SLC22A9: variants seen among roughly 807,000 people sequenced by gnomAD.
The protein encoded by SLC22A9 is organic anion transporter 7.
Under a neutral mutation model 50.1 loss-of-function variants are expected in SLC22A9, and 64 were observed. The observed-to-expected ratio is 1.28, with a 90% CI of 1.04 to 1.57. The LOEUF is 1.57. Ranked by LOEUF, SLC22A9 falls within the 40% of genes most tolerant of loss-of-function variation. The pLI is 0.00. For synonymous variants in SLC22A9, 261 were observed against 242.5 expected (o/e 1.08, Z -0.71); for missense variants, 757 against 676.1 (o/e 1.12, Z -1.33).
chr11:63,407,806 C>T (rs34340433), intron 7 of SLC22A9, among the ~76,000 whole-genome samples: 35 of 152,180 alleles, frequency 2.3e-4, no homozygotes, highest in East Asian at 1.4e-3. Context: ...AGTCCCTGGA[C>T]GGAATAAATG....
chr11:63,394,139 C>G (rs1238327920), intron 6 of SLC22A9, among the ~76,000 whole-genome samples: 1 of 152,108 alleles, frequency 6.6e-6, no homozygotes, highest in African/African-American at 2.4e-5. Context: ...TTTTTCAGCT[C>G]CATCAGGTCA....
Position 63,375,784 on chromosome 11 carries a change from G to A in SLC22A9, c.954+16G>A. The A allele has an allele frequency of 6.2e-7, 1 of 1,609,824 alleles. No homozygotes were observed. The highest frequency in any genetic ancestry group is 8.5e-7 in the Non-Finnish European group (1 of 1,177,380). ...AACCCTGGAGGTGAGCTGGATGGGA[G>A]CTAGATATGGGATGTAGGGAAGACA... On this transcript the variant is annotated intron_variant, in intron 5 of 9. Coordinates refer to ENST00000279178, the MANE Select transcript of SLC22A9 (RefSeq NM_080866.3).
chr11:63,370,193 G>T lies in SLC22A9; in HGVS notation c.137G>T (p.Gly46Val), dbSNP rs1280339533. 6.2e-7 allele frequency: 1 copy of T among 1,613,732 alleles called. No homozygotes were observed. The highest frequency in any genetic ancestry group is 1.7e-5 in the Admixed American group (1 of 59,976). Reference sequence around the variant, plus strand: ...GAGAACTTCACTGCATTCATACCTGGCCATCGCTGCTGGGTCCACATCCTG... The same window carrying T: ...GAGAACTTCACTGCATTCATACCTGTCCATCGCTGCTGGGTCCACATCCTG... ...MLENFTAFIPGHRCWVHILDN... is the reference protein window; with the variant it reads ...MLENFTAFIPVHRCWVHILDN... Residue 46 changes from glycine (G) to valine (V), a missense_variant, in exon 1 of 10, where the codon GGC (glycine) becomes GTC (valine). Coordinates refer to ENST00000279178, the MANE Select transcript of SLC22A9 (RefSeq NM_080866.3).
rs2015106682 is a variant in SLC22A9 at position 63,409,794 on chromosome 11, T to A, written c.1602-8T>A. ...GATTTTTTGTTGGTTTCTTTGTATT[T>A]GTTCTAGGAGAAAAGACCCCAGAGA... On this transcript the variant is annotated splice_region_variant and splice_polypyrimidine_tract_variant and intron_variant, in intron 9 of 9. Coordinates refer to ENST00000279178, the MANE Select transcript of SLC22A9 (RefSeq NM_080866.3). 6.2e-7 allele frequency: 1 copy of A among 1,613,438 alleles called. No homozygotes were observed. Among genetic ancestry groups the A allele is most frequent in the East Asian group, 2.2e-5 (1 of 44,780 alleles).
At chr11:63,372,900 T>C (rs1222934713) in intron 2 of SLC22A9, among the ~76,000 whole-genome samples, 1 of 152,132 alleles carries the variant, frequency 6.6e-6, no homozygotes, top group African/African-American at 2.4e-5. Flanking sequence ...ATTTCCCAAC[T>C]TGATCATATC....
intron 6 of SLC22A9, among the ~76,000 whole-genome samples, chr11:63,397,271 AG>A (rs1422515939): frequency 6.6e-6 from 1 of 152,060 alleles, no homozygotes; most frequent in Non-Finnish European, 1.5e-5. Context: ...GAGCTGGGGG[AG>A]GGGTAACACA....
intron 6 of SLC22A9, among the ~76,000 whole-genome samples, chr11:63,393,618 A>AGAGT (rs2014802318): frequency 1.3e-5 from 2 of 152,108 alleles, no homozygotes; most frequent in Non-Finnish European, 2.9e-5. Flanking sequence ...AGTTTTGCTG[A>AGAGT]GAGTTTTAAT....
In SLC22A9 at chr11:63,373,880, G is replaced by GT. The variant is rs748951639; in HGVS notation, c.662-8dup. On this transcript the variant is annotated splice_polypyrimidine_tract_variant and intron_variant, in intron 3 of 9. Coordinates refer to ENST00000279178, the MANE Select transcript of SLC22A9 (RefSeq NM_080866.3). Reference sequence around the variant, plus strand: ...CACCTTTGAAGTCAAAGCCTTATCTGTTTTTTCTTCCAGTAGCCGAGTGGG... The same window carrying GT: ...CACCTTTGAAGTCAAAGCCTTATCTGTTTTTTTCTTCCAGTAGCCGAGTGGG... 2 of 1,611,622 alleles carry GT rather than the reference G, an allele frequency of 1.2e-6. No homozygotes were observed. The highest frequency in any genetic ancestry group is 2.2e-5 in the South Asian group (2 of 90,668).
chr11:63,405,267 C>T (rs1440850904), intron 6 of SLC22A9, among the ~76,000 whole-genome samples: 4 of 152,148 alleles, frequency 2.6e-5, no homozygotes, highest in Non-Finnish European at 5.9e-5. Context: ...GGAACCCAGT[C>T]AGCTAAACAG....
intron 6 of SLC22A9, among the ~76,000 whole-genome samples, chr11:63,403,542 T>C (rs1157167882): frequency 6.6e-6 from 1 of 152,054 alleles, no homozygotes; most frequent in African/African-American, 2.4e-5. Context: ...AGCTCACTGA[T>C]AAATGACTAA....
chr11:63,396,503 C>T, intron 6 of SLC22A9, among the ~76,000 whole-genome samples: 1 of 152,136 alleles, frequency 6.6e-6, no homozygotes, highest in East Asian at 1.9e-4. Flanking sequence ...GAGGATCTCT[C>T]TTTTCTACTT....
Position 63,370,367 on chromosome 11 carries a change from C to A in SLC22A9, c.311C>A (p.Thr104Asn), listed in dbSNP as rs919173371. ...TGGCAGCTCCTTCACCTGAATGGGACCTTCCCCAACACAAGTGACGCAGAC... is the reference window on the plus strand; with the variant it reads ...TGGCAGCTCCTTCACCTGAATGGGAACTTCCCCAACACAAGTGACGCAGAC... ...PQWQLLHLNGTFPNTSDADME... is the reference protein window; with the variant it reads ...PQWQLLHLNGNFPNTSDADME... Residue 104 changes from threonine (T) to asparagine (N), a missense_variant, in exon 1 of 10, where the codon ACC becomes AAC. Coordinates refer to ENST00000279178, the MANE Select transcript of SLC22A9 (RefSeq NM_080866.3). 3.7e-6 allele frequency: 6 copies of A among 1,613,940 alleles called. No homozygotes were observed. The East Asian group carries it at 1.1e-4, about 30-fold the overall frequency.
chr11:63,397,377 C>T (rs2119980768), intron 6 of SLC22A9, among the ~76,000 whole-genome samples: 1 of 152,222 alleles, frequency 6.6e-6, no homozygotes, highest in African/African-American at 2.4e-5. Context: ...GTAATCACTG[C>T]CTGGCTACTG....
At chr11:63,380,139 A>G (rs1343327583) in intron 5 of SLC22A9, among the ~76,000 whole-genome samples, 1 of 152,230 alleles carries the variant, frequency 6.6e-6, no homozygotes, top group African/African-American at 2.4e-5. Context: ...ACGATAAGAT[A>G]CCATCTCACA....
chr11:63,375,812 A>G lies in SLC22A9; in HGVS notation c.954+44A>G, dbSNP rs759397476. ...AGATATGGGATGTAGGGAAGACATA[A>G]CTTGTCATCAATACTTAGCAGTAGC... On this transcript the variant is annotated intron_variant, in intron 5 of 9. Transcript: ENST00000279178. 18 of 1,600,804 alleles carry G rather than the reference A, an allele frequency of 1.1e-5. 1 individual carries two copies. The highest frequency in any genetic ancestry group is 6.8e-5 in the Admixed American group (4 of 58,770).
intron 3 of SLC22A9, 45 bp from the exon 4 acceptor site, chr11:63,373,849 A>G: frequency 6.2e-7 from 1 of 1,605,428 alleles, no homozygotes; most frequent in Non-Finnish European, 8.5e-7. Flanking sequence ...TTTGAAATTG[A>G]AACTCCACCT....
chr11:63,380,774 G>A (rs1357460042), intron 5 of SLC22A9, among the ~76,000 whole-genome samples: 3 of 151,912 alleles, frequency 2.0e-5, no homozygotes, highest in Admixed American at 6.6e-5. Context: ...TTAACTTGGT[G>A]ATGAAATCAT....
intron 5 of SLC22A9, among the ~76,000 whole-genome samples, chr11:63,377,786 A>G (rs555516522): frequency 9.7e-4 from 147 of 152,244 alleles, no homozygotes; most frequent in Admixed American, 2.7e-3. Flanking sequence ...AGAACACATT[A>G]GATGGATAGA....
intron 6 of SLC22A9, among the ~76,000 whole-genome samples, chr11:63,390,068 G>C (rs475053): frequency 6.6e-6 from 1 of 151,992 alleles, no homozygotes; most frequent in African/African-American, 2.4e-5. Context: ...GTACATTCTG[G>C]ATATTAGGCC....
Sources: allele counts gnomAD v4.1 joint callset (sites outside exome capture counted in the v4.1 genomes callset), GRCh38; gene constraint gnomAD v4.1.1; transcripts MANE v1.5; gene names NCBI Gene and HGNC (gene_info 2026-07-23, HGNC 2026-07-21).